Variants in SMC3 observed in about 807,000 individuals in gnomAD.
SMC3 encodes the protein structural maintenance of chromosomes 3.
Under a neutral mutation model 171.8 loss-of-function variants are expected in SMC3, and 20 were observed. That is an observed-to-expected ratio of 0.12 (90% CI 0.08 to 0.17). SMC3 has a LOEUF of 0.17. Among genes scored for constraint, SMC3 ranks in the 10% least tolerant of loss-of-function variants. The pLI is 1.00. For missense variants in SMC3, 543 were observed against 1,420.4 expected (o/e 0.38, Z 9.93); for synonymous variants, 464 against 451.1 (o/e 1.03, Z -0.36).
In SMC3 at chr10:110,583,981, A is replaced by T. The variant is rs763580038; in HGVS notation, c.1091+19A>T. On this transcript the variant is annotated intron_variant, in intron 12 of 28. Transcript: ENST00000361804. The stretch of plus-strand genomic sequence containing the variant: ...TTGCTAGGTCTGAGAACTTTCACCA[A>T]CACTTTAACTTTCTACATCATATTA... 1 of 1,612,802 alleles carries T rather than the reference A, an allele frequency of 6.2e-7. No homozygotes were observed.
At chr10:110,569,070 C>G (rs780234384) in intron 2 of SMC3, 57 bp downstream of exon 2, 50 of 1,112,118 alleles carry the variant, frequency 4.5e-5, no homozygotes, top group Non-Finnish European at 6.2e-5. Context: ...AATGTAAATT[C>G]TGTCCATTTC....
Position 110,567,771 on chromosome 10 carries a change from T to C in SMC3, c.-46T>C, listed in dbSNP as rs1250951555. The C allele has an allele frequency of 1.9e-6, 3 of 1,612,758 alleles. No homozygotes were observed. In the Admixed American group the frequency reaches 5.0e-5, roughly 27 times the overall value. On this transcript the variant is annotated 5_prime_UTR_variant, in exon 1 of 29. Coordinates refer to ENST00000361804, the MANE Select transcript of SMC3 (RefSeq NM_005445.4). ...CTCACCTGACCCTGCGGCCGTGCGGTTGCTGCTCCGGGGCAGGTCTCCTTC... is the reference window on the plus strand; with the variant it reads ...CTCACCTGACCCTGCGGCCGTGCGGCTGCTGCTCCGGGGCAGGTCTCCTTC...
intron 27 of SMC3, 69 bp downstream of exon 27, chr10:110,603,071 GA>G: frequency 1.3e-6 from 2 of 1,574,556 alleles, no homozygotes; most frequent in Non-Finnish European, 1.7e-6. Context: ...ATGTATATAT[GA>G]AAAAATCAAA....
intron 23 of SMC3, 58 bp downstream of exon 23, chr10:110,601,188 A>G: frequency 1.7e-6 from 2 of 1,210,834 alleles, no homozygotes; most frequent in Non-Finnish European, 2.5e-6. Context: ...ATTGTTTACT[A>G]CAGAATGAAA....
At chr10:110,588,684 C>G (rs1248134164) in intron 13 of SMC3, among the ~76,000 whole-genome samples, 3 of 152,148 alleles carry the variant, frequency 2.0e-5, no homozygotes, top group African/African-American at 7.2e-5. Context: ...GTGTCAGCTT[C>G]CTTAAACTCT....
At chr10:110,602,776 T>C in intron 26 of SMC3, 49 bp from the exon 27 acceptor site, 1 of 1,584,294 alleles carries the variant, frequency 6.3e-7, no homozygotes, top group Non-Finnish European at 8.7e-7. Context: ...TGAAAGATGG[T>C]GGTGATTCTG....
At chr10:110,595,805 T>C (rs1170744784) in intron 18 of SMC3, among the ~76,000 whole-genome samples, 3 of 152,022 alleles carry the variant, frequency 2.0e-5, no homozygotes, top group Non-Finnish European at 4.4e-5. Context: ...GCTCAAATTT[T>C]CCCAAATATG....
chr10:110,596,222 C>CAA lies in SMC3; in HGVS notation c.1964-157_1964-156dup, dbSNP rs55837501. On this transcript the variant is annotated intron_variant, in intron 18 of 28. Transcript: ENST00000361804. ...GAGCAACAAGAGCAAGACCCTGTCT[C>CAA]AAAAAAAAAAAAAAAAAAAATCTAG... is the stretch of plus-strand genomic sequence containing the variant. Among the ~76,000 whole-genome samples the CAA allele has an allele frequency of 0.012, 1,553 of 124,592 alleles. 33 individuals are homozygous for CAA. Among genetic ancestry groups the CAA allele is most frequent in the Admixed American group, 0.027 (316 of 11,596 alleles). 81.7% of individuals were successfully genotyped at this position (124,592 alleles called of 152,430 possible). A position where few individuals can be genotyped will look rare whatever the true frequency, so the allele number is the denominator to read the frequency against.
At chr10:110,569,036 G>T in intron 2 of SMC3, 23 bp downstream of exon 2, 6 of 1,432,968 alleles carry the variant, frequency 4.2e-6, no homozygotes, top group Non-Finnish European at 4.9e-6. Context: ...GGTTTACTCG[G>T]TCATATTTAT....
At chr10:110,603,108 G>A in intron 27 of SMC3, 76 bp from the exon 28 acceptor site, 1 of 1,523,974 alleles carries the variant, frequency 6.6e-7, no homozygotes, top group African/African-American at 1.4e-5. Context: ...ATTTTAGTAA[G>A]AGTAAAGATA....
At chr10:110,598,817 G>A (rs747159742) in intron 20 of SMC3, among the ~76,000 whole-genome samples, 1 of 152,130 alleles carries the variant, frequency 6.6e-6, no homozygotes, top group African/African-American at 2.4e-5. Context: ...TGAACAAATA[G>A]GCATTTGAAG....
chr10:110,583,984 C>CT lies in SMC3; in HGVS notation c.1091+25dup, dbSNP rs544062107. On this transcript the variant is annotated intron_variant, in intron 12 of 28. Transcript: ENST00000361804. ...CTAGGTCTGAGAACTTTCACCAACA[C>CT]TTTAACTTTCTACATCATATTATGT... is the stretch of plus-strand genomic sequence containing the variant. The CT allele has an allele frequency of 3.2e-5, 51 of 1,612,276 alleles. 1 individual carries two copies. The East Asian group carries it at 1.0e-3, about 32-fold the overall frequency.
intron 21 of SMC3, 60 bp from the exon 22 acceptor site, chr10:110,600,379 A>G: frequency 1.2e-6 from 1 of 837,420 alleles, no homozygotes. Context: ...ACAGCAAATG[A>G]GCACCATTCC....
intron 10 of SMC3, among the ~76,000 whole-genome samples, 185 bp downstream of exon 10, chr10:110,582,827 C>T (rs1861052795): frequency 6.6e-6 from 1 of 151,906 alleles, no homozygotes. Context: ...ACCACCACAC[C>T]TGTCTAGTTT....
At chr10:110,587,558 C>T (rs987316449) in intron 13 of SMC3, among the ~76,000 whole-genome samples, 1 of 151,984 alleles carries the variant, frequency 6.6e-6, no homozygotes. Context: ...TGGTGGCGGG[C>T]GCCTGTAGTG....
Position 110,582,450 on chromosome 10 carries a change from A to C in SMC3, c.724-112A>C, listed in dbSNP as rs115841884. The C allele has an allele frequency of 1.3e-4, 105 of 786,236 alleles. No individual in the cohort carries two copies. In the African/African-American group the frequency reaches 1.5e-3, roughly 12 times the overall value. 48.7% of individuals were successfully genotyped at this position (786,236 alleles called of 1,614,324 possible). On this transcript the variant is annotated intron_variant, in intron 9 of 28. Coordinates refer to ENST00000361804, the MANE Select transcript of SMC3 (RefSeq NM_005445.4). ...AATCATTTTTAAAATTTTTGTAGAAAATTTGAGCAGTTACTTTTGGTTTAT... is the reference window on the plus strand; with the variant it reads ...AATCATTTTTAAAATTTTTGTAGAACATTTGAGCAGTTACTTTTGGTTTAT...
intron 7 of SMC3, among the ~76,000 whole-genome samples, chr10:110,578,939 G>A (rs1021236946): frequency 6.6e-6 from 1 of 152,128 alleles, no homozygotes; most frequent in Non-Finnish European, 1.5e-5. Context: ...TGAAAGTATG[G>A]GAAGACATTA....
Position 110,602,023 on chromosome 10 carries a change from A to C in SMC3, c.2950A>C (p.Lys984Gln), listed in dbSNP as rs752190321. 1.2e-6 allele frequency: 2 copies of C among 1,613,886 alleles called. No homozygotes were observed. The highest frequency in any genetic ancestry group is 3.3e-5 in the Admixed American group (2 of 60,028). Reference protein sequence around the residue: ...TELKKYSHVNKKALDQFVNFS... With the variant: ...TELKKYSHVNQKALDQFVNFS... ...ATTAAAGAAGTACAGCCATGTTAAC[A>C]AAAAGGCTTTGGATCAGTTTGTAAA... Residue 984 changes from lysine to glutamine, a missense_variant, in exon 25 of 29, where the codon AAA (lysine) becomes CAA (glutamine). Coordinates refer to ENST00000361804, the MANE Select transcript of SMC3 (RefSeq NM_005445.4).
intron 10 of SMC3, 48 bp downstream of exon 10, chr10:110,582,690 A>G: frequency 7.1e-7 from 1 of 1,413,762 alleles, no homozygotes; most frequent in Admixed American, 1.7e-5. Context: ...TACTTTTGAG[A>G]CAGGGTCTTG....
Sources: allele counts gnomAD v4.1 joint callset (sites outside exome capture counted in the v4.1 genomes callset), GRCh38; gene constraint gnomAD v4.1.1; transcripts MANE v1.5; gene names NCBI Gene and HGNC (gene_info 2026-07-23, HGNC 2026-07-21).